CATSPERE: variants seen among roughly 807,000 people sequenced by gnomAD.
CATSPERE encodes the protein catsper channel auxiliary subunit epsilon, also known as cation channel sperm-associated auxiliary subunit epsilon.
A neutral mutation model predicts 114.1 loss-of-function variants in CATSPERE; 93 were observed. The observed-to-expected ratio is 0.81, with a 90% confidence interval of 0.69 to 0.97. CATSPERE has a LOEUF of 0.97. Ranked by LOEUF, CATSPERE falls within the 50% of genes least tolerant of loss-of-function variation. The pLI, the probability that CATSPERE is intolerant of heterozygous loss-of-function variation, is 0.00. For missense variants in CATSPERE, 1,058 were observed against 1,131.6 expected, an observed-to-expected ratio of 0.93 and a Z score of 0.93; for synonymous variants, 341 against 384.1, an observed-to-expected ratio of 0.89 and a Z score of 1.31.
At chr1:244,462,005 CAG>C (rs1201015442) in intron 1 of CATSPERE, among the ~76,000 whole-genome samples, 1 of 152,132 alleles carries the variant, frequency 6.6e-6, no homozygotes, top group Non-Finnish European at 1.5e-5. Flanking sequence ...TTGGTAGAGA[CAG>C]GGTCTCACAA....
intron 2 of CATSPERE, among the ~76,000 whole-genome samples, chr1:244,467,002 C>T (rs1428527647): frequency 6.6e-6 from 1 of 152,180 alleles, no homozygotes; most frequent in Non-Finnish European, 1.5e-5. Context: ...GTTTCCAGCT[C>T]CTGCAATCTA....
chr1:244,476,643 G>A (rs1669400112), intron 2 of CATSPERE, among the ~76,000 whole-genome samples: 1 of 152,136 alleles, frequency 6.6e-6, no homozygotes, highest in Non-Finnish European at 1.5e-5. Context: ...TTATGTATGT[G>A]TATATAATTT....
intron 11 of CATSPERE, among the ~76,000 whole-genome samples, chr1:244,576,674 C>T (rs185514030): frequency 3.9e-5 from 6 of 151,936 alleles, no homozygotes; most frequent in South Asian, 2.1e-4. Context: ...ATAATGTGAG[C>T]ATTTTACATG....
chr1:244,622,938 C>T (rs1672583297), intron 20 of CATSPERE, among the ~76,000 whole-genome samples: 1 of 151,988 alleles, frequency 6.6e-6, no homozygotes, highest in African/African-American at 2.4e-5. Flanking sequence ...AGGTATATAC[C>T]AAAAGTGTCC....
chr1:244,452,379 T>C (rs1341770068), upstream of CATSPERE, among the ~76,000 whole-genome samples: 1 of 152,220 alleles, frequency 6.6e-6, no homozygotes, highest in Non-Finnish European at 1.5e-5. Flanking sequence ...GTGTACAAAA[T>C]ACAAACTGTG....
At chr1:244,497,234 T>G (rs1673245287) in intron 6 of CATSPERE, among the ~76,000 whole-genome samples, 1 of 152,114 alleles carries the variant, frequency 6.6e-6, no homozygotes. Context: ...TAATTTTTAC[T>G]CCATAAAGCT....
rs1665178857 is a variant in CATSPERE at position 244,575,902 on chromosome 1, A to G, written c.1950+3130A>G. ...AATGGGGATTTTTCACCTCTTTTTA[A>G]CCTCTAAGACACCCTAAGAAATACT... On this transcript the variant is annotated intron_variant, in intron 11 of 21. Coordinates refer to ENST00000366534, the MANE Select transcript of CATSPERE (RefSeq NM_001130957.2). This position sits in a 1 kb window ranked among gnomAD's most constrained non-coding sequence, Gnocchi z 4.5. 6.6e-6 allele frequency among the ~76,000 whole-genome samples: 1 copy of G among 151,544 alleles called. No individual in the cohort carries two copies. Among genetic ancestry groups the G allele is most frequent in the Admixed American group, 6.6e-5 (1 of 15,224 alleles).
At chr1:244,587,755 C>G (rs760234113) in intron 13 of CATSPERE, among the ~76,000 whole-genome samples, 4 of 152,162 alleles carry the variant, frequency 2.6e-5, no homozygotes, top group Non-Finnish European at 4.4e-5. Context: ...ACGTGATGCT[C>G]AGTACCCTGA....
rs1558608490 is a variant in CATSPERE, at chr1:244,621,041, T to TATATATAA, written c.2648+3362_2648+3363insAATATATA. Among the ~76,000 whole-genome samples, 53 of 71,606 alleles carry TATATATAA rather than the reference T, an allele frequency of 7.4e-4. 6 individuals carry two copies. The highest frequency in any genetic ancestry group is 2.2e-3 in the African/African-American group (36 of 16,138). The allele number at this position is 71,606 out of a possible 152,430, so 47.0% of individuals were successfully genotyped here. A position where few individuals can be genotyped will look rare whatever the true frequency, so the allele number is the denominator to read the frequency against. On this transcript the variant is annotated intron_variant, in intron 20 of 21. Coordinates refer to ENST00000366534, the MANE Select transcript of CATSPERE (RefSeq NM_001130957.2). ...AAAATATATATAAATATATATAAAA[T>TATATATAA]ATATATATAAATATATATAAATATA...
intron 11 of CATSPERE, among the ~76,000 whole-genome samples, chr1:244,577,090 G>A (rs1032084877): frequency 8.6e-5 from 13 of 151,736 alleles, no homozygotes; most frequent in African/African-American, 2.2e-4. Flanking sequence ...ATACTTGAAG[G>A]CACTGGAAAA....
intron 7 of CATSPERE, among the ~76,000 whole-genome samples, chr1:244,507,251 A>G (rs1674965183): frequency 1.3e-5 from 2 of 152,130 alleles, no homozygotes; most frequent in Non-Finnish European, 2.9e-5. Flanking sequence ...TCCTGATTTC[A>G]TTTCCTTTGG....
intron 15 of CATSPERE, 98 bp from the exon 16 acceptor site, chr1:244,593,297 T>C (rs1448294946): frequency 5.0e-6 from 6 of 1,190,528 alleles, no homozygotes; most frequent in African/African-American, 4.6e-5. Flanking sequence ...ATTTATCTGT[T>C]TGACCTTTGT....
chr1:244,612,643 C>T (rs568524883), intron 19 of CATSPERE, among the ~76,000 whole-genome samples: 1 of 152,128 alleles, frequency 6.6e-6, no homozygotes, highest in Non-Finnish European at 1.5e-5. Flanking sequence ...GAGTATAATG[C>T]ATGAGGCTAG....
At chr1:244,621,370 C>A (rs1672373838) in intron 20 of CATSPERE, among the ~76,000 whole-genome samples, 1 of 133,406 alleles carries the variant, frequency 7.5e-6, no homozygotes, top group Admixed American at 8.5e-5. Context: ...AACTGTAAAT[C>A]TACACTCAAT....
chr1:244,499,514 C>T (rs1010240652), intron 7 of CATSPERE, among the ~76,000 whole-genome samples: 1 of 138,822 alleles, frequency 7.2e-6, no homozygotes, highest in East Asian at 2.3e-4. Context: ...CCTCGACAGG[C>T]CATGGTGTGT....
intron 2 of CATSPERE, among the ~76,000 whole-genome samples, chr1:244,475,896 T>C (rs1264091323): frequency 1.3e-5 from 2 of 152,350 alleles, no homozygotes; most frequent in Admixed American, 1.3e-4. Flanking sequence ...TTTTATACTT[T>C]ATGACTTTTG....
chr1:244,451,619 G>C, upstream of CATSPERE: 1 of 1,599,562 alleles, frequency 6.3e-7, no homozygotes, highest in Non-Finnish European at 8.5e-7. The surrounding 1 kb of genome is among the most constrained non-coding windows in gnomAD (Gnocchi z 6.6). Context: ...TCCCATGAGA[G>C]GCCCCGTCGC....
intron 11 of CATSPERE, among the ~76,000 whole-genome samples, chr1:244,578,948 G>C (rs949947931): frequency 1.4e-5 from 2 of 141,114 alleles, no homozygotes; most frequent in Non-Finnish European, 3.0e-5. Context: ...ACATTTTCTT[G>C]TGATGTCATG....
intron 7 of CATSPERE, among the ~76,000 whole-genome samples, chr1:244,508,620 C>G (rs1276369264): frequency 6.6e-6 from 1 of 151,022 alleles, no homozygotes; most frequent in Non-Finnish European, 1.5e-5. Context: ...ACTGTTTTTT[C>G]TATGTTGATT....
Sources: gnomAD v4.1 joint callset for allele counts (sites outside exome capture counted in the v4.1 genomes callset) on GRCh38, gnomAD v4.1.1 for gene constraint, Gnocchi (gnomAD v3.1) non-coding constraint, MANE v1.5 for transcripts, NCBI Gene and HGNC (gene_info 2026-07-23, HGNC 2026-07-21) for gene names.